FAT3: variants seen among roughly 807,000 people sequenced by gnomAD.
FAT3 encodes protocadherin Fat 3.
A neutral mutation model predicts 310.2 loss-of-function variants in FAT3; 95 were observed. The ratio of observed to expected loss-of-function variants is 0.31; its 90% CI spans 0.26 to 0.36. FAT3 has a LOEUF of 0.36. Among genes scored for constraint, FAT3 ranks in the 10% least tolerant of loss-of-function variants. The probability of loss-of-function intolerance (pLI) is 1.00; values close to 1 mark genes in which losing one functional copy is unlikely to be tolerated. For synonymous variants in FAT3, 2,314 were observed against 2,192.9 expected (o/e 1.06, Z -1.54); for missense variants, 5,408 against 5,715.6 (o/e 0.95, Z 1.74).
At position 92,797,821 on chromosome 11, in the gene FAT3, A is replaced by G; in HGVS notation, c.4823-15A>G. 1 of 1,596,960 alleles carries G rather than the reference A, an allele frequency of 6.3e-7. No homozygotes were observed. The highest frequency in any genetic ancestry group is 2.2e-5 in the East Asian group (1 of 44,554). On this transcript the variant is annotated splice_polypyrimidine_tract_variant and intron_variant, in intron 9 of 27. Transcript: ENST00000525166. ...CCACATGTAACTCATTTCACCATTG[A>G]TTTCTGTATTTTAGGGAACACTGGG...
intron 2 of FAT3, among the ~76,000 whole-genome samples, chr11:92,441,887 GA>G (rs144444638): frequency 0.012 from 1,869 of 151,584 alleles, 34 homozygotes; most frequent in African/African-American, 0.044. Flanking sequence ...CTGCTTGAGT[GA>G]AATCTGGAAG....
intron 24 of FAT3, among the ~76,000 whole-genome samples, chr11:92,885,663 CT>C (rs1380785614): frequency 6.6e-6 from 1 of 152,094 alleles, no homozygotes; most frequent in Non-Finnish European, 1.5e-5. Flanking sequence ...CTAATAGGCT[CT>C]TTTTTATTTA....
intron 1 of FAT3, among the ~76,000 whole-genome samples, chr11:92,251,182 C>T (rs985269285): frequency 6.6e-6 from 1 of 152,096 alleles, no homozygotes; most frequent in African/African-American, 2.4e-5. Context: ...GTGCTAGGTA[C>T]TGTCTAGATA....
chr11:92,596,746 GTA>G (rs1939729218), intron 3 of FAT3, among the ~76,000 whole-genome samples: 2 of 152,256 alleles, frequency 1.3e-5, no homozygotes, highest in East Asian at 1.9e-4. Flanking sequence ...GTCTATCATA[GTA>G]CCACCAAGTG....
At chr11:92,657,343 A>G (rs559156747) in intron 3 of FAT3, among the ~76,000 whole-genome samples, 3 of 152,278 alleles carry the variant, frequency 2.0e-5, no homozygotes, top group African/African-American at 7.2e-5. Context: ...AAATGTAGTC[A>G]TTTCATGCTT....
At chr11:92,627,480 A>G (rs143808920) in intron 3 of FAT3, among the ~76,000 whole-genome samples, 1 of 152,306 alleles carries the variant, frequency 6.6e-6, no homozygotes, top group African/African-American at 2.4e-5. Context: ...TTTATCATAT[A>G]ATATGGCTCC....
At chr11:92,872,512 T>A (rs187343151) in intron 22 of FAT3, among the ~76,000 whole-genome samples, 95 of 152,362 alleles carry the variant, frequency 6.2e-4, no homozygotes, top group African/African-American at 2.1e-3. Context: ...GACTGTCTTC[T>A]AAATGCTGAC....
intron 3 of FAT3, among the ~76,000 whole-genome samples, chr11:92,629,499 G>C (rs1440088298): frequency 6.6e-6 from 1 of 150,822 alleles, no homozygotes; most frequent in Non-Finnish European, 1.5e-5. Flanking sequence ...TCAAACTCCT[G>C]GGCTCAAGCA....
At chr11:92,880,970 T>C (rs2136400459) in intron 23 of FAT3, 86 bp downstream of exon 23, 1 of 1,425,352 alleles carries the variant, frequency 7.0e-7, no homozygotes. Flanking sequence ...GGTAAAATAT[T>C]TACCACTAAT....
intron 2 of FAT3, among the ~76,000 whole-genome samples, chr11:92,428,526 G>C (rs1950691426): frequency 6.6e-6 from 1 of 152,124 alleles, no homozygotes; most frequent in East Asian, 1.9e-4. Flanking sequence ...ATTTAGTGCT[G>C]TAAATTTCCC....
chr11:92,720,050 A>G (rs1164353700), intron 4 of FAT3, among the ~76,000 whole-genome samples: 1 of 152,148 alleles, frequency 6.6e-6, no homozygotes, highest in African/African-American at 2.4e-5. Flanking sequence ...TTTCTATACC[A>G]CAGGGGCAGG....
chr11:92,680,039 C>T (rs778071117), intron 3 of FAT3, among the ~76,000 whole-genome samples: 5 of 151,596 alleles, frequency 3.3e-5, no homozygotes, highest in Admixed American at 1.3e-4. Context: ...GCAATTTTTC[C>T]CATTCAACAA....
In FAT3 at chr11:92,798,452, T is replaced by C; in HGVS notation, c.5439T>C (p.Tyr1813=). ...GCAACCGGAATGCTCTGCTTGTGTA[T>C]CAGATTGTGGAGTCAACAGCAAAAA... The part of the protein sequence containing the change: ...ADSNRNALLV[Y]QIVESTAKKF... Residue 1813 remains tyrosine, a synonymous_variant, in exon 10 of 28, where the codon TAT becomes TAC. Transcript: ENST00000525166. 1 of 1,613,464 alleles carries C rather than the reference T, an allele frequency of 6.2e-7. No homozygotes were observed. Among genetic ancestry groups the C allele is most frequent in the South Asian group, 1.1e-5 (1 of 91,026 alleles).
At chr11:92,324,177 G>A (rs113784232) in intron 1 of FAT3, among the ~76,000 whole-genome samples, 4,044 of 152,188 alleles carry the variant, frequency 0.027, 192 homozygotes, top group African/African-American at 0.092. Context: ...AGGCTGTTTT[G>A]CTTTCTTATC....
chr11:92,240,574 C>A (rs201018356), intron 1 of FAT3, among the ~76,000 whole-genome samples: 48 of 92,356 alleles, frequency 5.2e-4, no homozygotes, highest in African/African-American at 1.7e-3. Context: ...ATGAAACCCC[C>A]CCAAAAAAAA....
intron 3 of FAT3, among the ~76,000 whole-genome samples, chr11:92,649,286 G>A (rs151115293): frequency 6.6e-6 from 1 of 152,268 alleles, no homozygotes; most frequent in Non-Finnish European, 1.5e-5. Flanking sequence ...TAGCAAGCAG[G>A]ACTCTAGAGA....
intron 2 of FAT3, among the ~76,000 whole-genome samples, chr11:92,379,050 C>T (rs1455884592): frequency 6.6e-6 from 1 of 152,060 alleles, no homozygotes; most frequent in African/African-American, 2.4e-5. Flanking sequence ...GTGTTTTTCC[C>T]ATTTAGATCT....
At chr11:92,626,507 G>A (rs2135686516) in intron 3 of FAT3, among the ~76,000 whole-genome samples, 1 of 150,566 alleles carries the variant, frequency 6.6e-6, no homozygotes, top group Admixed American at 6.6e-5. Context: ...TAACCTTGAT[G>A]CTTTTCTTAG....
At chr11:92,661,744 A>G (rs1377822535) in intron 3 of FAT3, among the ~76,000 whole-genome samples, 1 of 152,170 alleles carries the variant, frequency 6.6e-6, no homozygotes, top group Non-Finnish European at 1.5e-5. Context: ...TGTTTCAGAA[A>G]GAACTGAAGA....
Sources: gnomAD v4.1 joint callset for allele counts (sites outside exome capture counted in the v4.1 genomes callset) on GRCh38, gnomAD v4.1.1 for gene constraint, MANE v1.5 for transcripts, NCBI Gene and HGNC (gene_info 2026-07-23, HGNC 2026-07-21) for gene names.